Variants in NBAS observed in about 807,000 individuals in gnomAD.
NBAS encodes NBAS subunit of NRZ tethering complex.
In NBAS, 219 loss-of-function variants were observed where a neutral mutation model predicts 302.5. The ratio of observed to expected loss-of-function variants is 0.72; its 90% CI spans 0.65 to 0.81. NBAS has a LOEUF of 0.81. Ranked by LOEUF, NBAS falls within the 30% of genes least tolerant of loss-of-function variation. NBAS has a pLI of 0.00. For synonymous variants in NBAS, 1,118 were observed against 1,021.6 expected, an observed-to-expected ratio of 1.09 and a Z score of -1.80; for missense variants, 2,932 against 2,841.6, an observed-to-expected ratio of 1.03 and a Z score of -0.72.
At chr2:15,398,630 C>T (rs1675996211) in intron 26 of NBAS, among the ~76,000 whole-genome samples, 1 of 151,840 alleles carries the variant, frequency 6.6e-6, no homozygotes, top group Admixed American at 6.6e-5. Flanking sequence ...TTGCTCATTT[C>T]TCAAATAGCA....
chr2:14,832,948 C>T, the NBAS span, among the ~76,000 whole-genome samples: 1 of 152,130 alleles, frequency 6.6e-6, no homozygotes, highest in Admixed American at 6.5e-5. Flanking sequence ...ATAGTTATGA[C>T]TCCCATGGCA....
Position 15,394,352 on chromosome 2 carries a change from A to C in NBAS, c.3135-3T>G. 6.2e-7 allele frequency: 1 copy of C among 1,612,682 alleles called. No homozygotes were observed. Among genetic ancestry groups the C allele is most frequent in the Non-Finnish European group, 8.5e-7 (1 of 1,179,008 alleles). On this transcript the variant is annotated splice_region_variant and splice_polypyrimidine_tract_variant and intron_variant, in intron 27 of 51. Coordinates refer to ENST00000281513, the MANE Select transcript of NBAS (RefSeq NM_015909.4). The stretch of plus-strand genomic sequence containing the variant: ...GTTTTTCCAAAAGCTCTGACACACT[A>C]TAAGTGAAAAAAGAATTATTTAATG...
intron 43 of NBAS, 147 bp downstream of exon 43, chr2:15,276,704 A>C (rs1669596876): frequency 1.7e-6 from 2 of 1,199,264 alleles, no homozygotes; most frequent in Admixed American, 2.1e-5. Flanking sequence ...AAAGAGTTGG[A>C]AAGATAATAA....
chr2:14,806,977 T>C, the NBAS span, among the ~76,000 whole-genome samples: 4 of 152,206 alleles, frequency 2.6e-5, no homozygotes, highest in Non-Finnish European at 5.9e-5. Context: ...GCATCATATT[T>C]TCTTTTGTTT....
the NBAS span, among the ~76,000 whole-genome samples, chr2:14,874,853 A>G: frequency 6.6e-6 from 1 of 152,070 alleles, no homozygotes; most frequent in South Asian, 2.1e-4. Flanking sequence ...TTTTGCAGTC[A>G]TAAATAAATA....
At chr2:15,427,433 A>G (rs1431190479) in intron 22 of NBAS, among the ~76,000 whole-genome samples, 1 of 152,228 alleles carries the variant, frequency 6.6e-6, no homozygotes, top group African/African-American at 2.4e-5. Context: ...AAAAAAATTA[A>G]TATCACTATA....
the NBAS span, among the ~76,000 whole-genome samples, chr2:14,807,440 CGTGTGTGTGTGTGAGTGTGT>C: frequency 2.3e-5 from 3 of 128,526 alleles, no homozygotes; most frequent in African/African-American, 3.6e-5. Flanking sequence ...TTTCAAATCC[CGTGTGTGTGTGTGAGTGTGT>C]GTGTGTGTGT....
chr2:15,077,257 C>T, the NBAS span, among the ~76,000 whole-genome samples: 154 of 152,266 alleles, frequency 1.0e-3, 1 homozygote, highest in Admixed American at 3.6e-3. Flanking sequence ...AGAACTCACT[C>T]ACTATCACAA....
chr2:15,156,542 G>T, the NBAS span, among the ~76,000 whole-genome samples: 2 of 152,184 alleles, frequency 1.3e-5, no homozygotes, highest in African/African-American at 2.4e-5. Context: ...GTTTCTTGCT[G>T]CATCCTCACA....
the NBAS span, among the ~76,000 whole-genome samples, chr2:14,823,597 T>A: frequency 1.3e-5 from 2 of 152,186 alleles, no homozygotes; most frequent in African/African-American, 4.8e-5. Flanking sequence ...CCATTACAAC[T>A]CTCAGGTTTT....
chr2:14,879,195 A>G, the NBAS span, among the ~76,000 whole-genome samples: 1,494 of 152,294 alleles, frequency 9.8e-3, 12 homozygotes, highest in Non-Finnish European at 0.016. Context: ...TAGTTTATCT[A>G]TTCACCTACT....
At chr2:14,843,732 G>A in the NBAS span, among the ~76,000 whole-genome samples, 1 of 152,224 alleles carries the variant, frequency 6.6e-6, no homozygotes, top group East Asian at 1.9e-4. Flanking sequence ...CAGCTGCTTG[G>A]TGCAGAGAGA....
chr2:14,915,123 G>A, the NBAS span, among the ~76,000 whole-genome samples: 39 of 152,336 alleles, frequency 2.6e-4, no homozygotes, highest in Non-Finnish European at 4.3e-4. Context: ...TGGCCCTGGA[G>A]GGGCAATAAT....
chr2:15,365,049 C>A (rs1170862313), intron 32 of NBAS, among the ~76,000 whole-genome samples: 1 of 152,134 alleles, frequency 6.6e-6, no homozygotes, highest in Non-Finnish European at 1.5e-5. Context: ...TTTACAGAAG[C>A]CATGCACTAT....
downstream of NBAS, among the ~76,000 whole-genome samples, chr2:15,164,780 A>G (rs1335989093): frequency 1.3e-5 from 2 of 152,204 alleles, no homozygotes; most frequent in Non-Finnish European, 2.9e-5. Flanking sequence ...GAATTTTTCC[A>G]ACTGGTGTGA....
the NBAS span, among the ~76,000 whole-genome samples, chr2:15,064,852 T>C: frequency 6.6e-6 from 1 of 152,072 alleles, no homozygotes; most frequent in Admixed American, 6.6e-5. Flanking sequence ...AATAAAATAA[T>C]ACCAAATCAA....
chr2:15,513,825 CA>C (rs112594988), intron 9 of NBAS, among the ~76,000 whole-genome samples: 87 of 137,788 alleles, frequency 6.3e-4, no homozygotes, highest in Admixed American at 7.2e-4. Context: ...CTCATCTCTA[CA>C]AAAAAAAAAA....
chr2:14,934,091 CA>C, the NBAS span, among the ~76,000 whole-genome samples: 6 of 152,156 alleles, frequency 3.9e-5, no homozygotes, highest in African/African-American at 1.4e-4. Context: ...CCAACTTCCT[CA>C]GCCTGGGAAT....
At chr2:15,013,349 C>T in the NBAS span, among the ~76,000 whole-genome samples, 1 of 151,878 alleles carries the variant, frequency 6.6e-6, no homozygotes, top group African/African-American at 2.4e-5. Flanking sequence ...CATCCAACCA[C>T]AAAAATAAAT....
Sources: gnomAD v4.1 joint callset for allele counts (sites outside exome capture counted in the v4.1 genomes callset) on GRCh38, gnomAD v4.1.1 for gene constraint, MANE v1.5 for transcripts, NCBI Gene and HGNC (gene_info 2026-07-23, HGNC 2026-07-21) for gene names.